The following RYK variants were observed in gnomAD, a reference collection of about 807,000 sequenced individuals.
The protein encoded by RYK is inactive tyrosine-protein kinase RYK.
RYK carries 21 observed loss-of-function variants against 70.2 expected under a neutral mutation model. The ratio of observed to expected loss-of-function variants is 0.30; its 90% CI spans 0.21 to 0.43. The LOEUF is 0.43. Among genes scored for constraint, RYK ranks in the 20% least tolerant of loss-of-function variants. RYK has a pLI of 1.00. For synonymous variants in RYK, 267 were observed against 278.0 expected, an observed-to-expected ratio of 0.96 and a Z score of 0.39; for missense variants, 604 against 753.3, an observed-to-expected ratio of 0.80 and a Z score of 2.32.
At chr3:134,162,250 T>G (rs62269346) in intron 13 of RYK, among the ~76,000 whole-genome samples, 1 of 146,342 alleles carries the variant, frequency 6.8e-6, no homozygotes, top group African/African-American at 2.5e-5. Flanking sequence ...TTTTTTTTTT[T>G]GGTGGAGACG....
At chr3:134,185,347 C>T (rs1490589159) in intron 9 of RYK, among the ~76,000 whole-genome samples, 3 of 152,190 alleles carry the variant, frequency 2.0e-5, no homozygotes, top group African/African-American at 7.2e-5. Flanking sequence ...GCTGAGAAAT[C>T]TCAAATTTCA....
intron 10 of RYK, chr3:134,181,745 T>G (rs1357284159): frequency 6.6e-6 from 1 of 152,160 alleles, no homozygotes; most frequent in Non-Finnish European, 1.5e-5. Flanking sequence ...TATATAGTGC[T>G]TTAAAAAAAT....
At chr3:134,199,472 C>T (rs1252773370) in intron 6 of RYK, among the ~76,000 whole-genome samples, 1 of 152,204 alleles carries the variant, frequency 6.6e-6, no homozygotes, top group Admixed American at 6.5e-5. Context: ...GCCTGCTCTG[C>T]CCTGCTCCTA....
At position 134,176,012 on chromosome 3, in the gene RYK, T is replaced by G. The variant is rs1289475731; in HGVS notation, c.1333A>C (p.Met445Leu). Residue 445 changes from methionine to leucine, a missense_variant, in exon 12 of 15, where the codon ATG (methionine) becomes CTG (leucine). Around this residue, in one of 2 missense-constraint regions of RYK, gnomAD observed 138 missense variants for 217.4 expected, o/e 0.63. Coordinates refer to ENST00000623711, the MANE Select transcript of RYK (RefSeq NM_002958.4). ...QAISQQDLVH[M>L]AIQIACGMSY... ...ATTCCACAGGCAATCTGAATAGCCA[T>G]GTGTACCAGGTCTTGCTGAGAAATT... is the stretch of plus-strand genomic sequence containing the variant. 13 of 1,604,442 alleles carry G rather than the reference T, an allele frequency of 8.1e-6. No homozygotes were observed. The highest frequency in any genetic ancestry group is 1.1e-5 in the Non-Finnish European group (13 of 1,174,958).
rs2014064629 is a variant in RYK, at chr3:134,202,720, T to C, written c.788+10A>G. 5 of 1,608,040 alleles carry C rather than the reference T, an allele frequency of 3.1e-6. No individual in the cohort carries two copies. Among genetic ancestry groups the C allele is most frequent in the Non-Finnish European group, 4.2e-6 (5 of 1,178,666 alleles). On this transcript the variant is annotated intron_variant, in intron 6 of 14. Transcript: ENST00000623711. Reference sequence around the variant, plus strand: ...TTCATTTTTTTTCTTTCCCAAAATATGTACAATACCTGTCATCCAGTTCAA... The same window carrying C: ...TTCATTTTTTTTCTTTCCCAAAATACGTACAATACCTGTCATCCAGTTCAA...
chr3:134,207,916 C>T (rs2014264135), intron 4 of RYK, among the ~76,000 whole-genome samples: 1 of 152,168 alleles, frequency 6.6e-6, no homozygotes, highest in African/African-American at 2.4e-5. Flanking sequence ...CTAGTAACAC[C>T]TACTAACATT....
chr3:134,222,406 C>CAA lies in RYK; in HGVS notation c.354+11_354+12insTT, dbSNP rs1182678009. The CAA allele has an allele frequency of 3.1e-6, 5 of 1,612,282 alleles. No individual in the cohort carries two copies. The highest frequency in any genetic ancestry group is 1.3e-5 in the African/African-American group (1 of 74,954). The stretch of plus-strand genomic sequence containing the variant: ...ACCCTGTCATGATGTCTGTGGTTAG[C>CAA]CACTCTCTTACCTTGGACTTCGCAT... On this transcript the variant is annotated intron_variant, in intron 2 of 14. Coordinates refer to ENST00000623711, the MANE Select transcript of RYK (RefSeq NM_002958.4).
chr3:134,223,616 A>G (rs2014802670), intron 1 of RYK, among the ~76,000 whole-genome samples: 1 of 152,138 alleles, frequency 6.6e-6, no homozygotes, highest in Non-Finnish European at 1.5e-5. Context: ...TAAAAAAAAA[A>G]AAAAAAATCA....
chr3:134,236,432 CTAAA>C (rs1265774171), intron 1 of RYK, among the ~76,000 whole-genome samples: 1 of 152,114 alleles, frequency 6.6e-6, no homozygotes, highest in Non-Finnish European at 1.5e-5. Context: ...AATTAAAGAC[CTAAA>C]TAAATGGAAA....
At chr3:134,217,662 T>A (rs1312118347) in intron 2 of RYK, among the ~76,000 whole-genome samples, 1 of 152,170 alleles carries the variant, frequency 6.6e-6, no homozygotes, top group Non-Finnish European at 1.5e-5. Context: ...TATATACATA[T>A]ATGCATGGAA....
intron 1 of RYK, among the ~76,000 whole-genome samples, chr3:134,246,625 T>C (rs1179857696): frequency 1.3e-5 from 2 of 152,182 alleles, no homozygotes; most frequent in Non-Finnish European, 2.9e-5. Context: ...GAATATGCCA[T>C]CAAAATTATG....
At chr3:134,245,687 C>T (rs899457980) in intron 1 of RYK, among the ~76,000 whole-genome samples, 1 of 152,148 alleles carries the variant, frequency 6.6e-6, no homozygotes. Flanking sequence ...AGCCAGAAGT[C>T]GAAGGCTACA....
intron 2 of RYK, among the ~76,000 whole-genome samples, chr3:134,216,792 CAAAAAAA>C (rs61441674): frequency 0.21 from 7,525 of 36,158 alleles, 97 homozygotes; most frequent in Middle Eastern, 0.31. Flanking sequence ...GACTCTGTCT[CAAAAAAA>C]AAAAAAAAAA....
At chr3:134,185,522 C>T (rs927106412) in intron 9 of RYK, among the ~76,000 whole-genome samples, 1 of 152,136 alleles carries the variant, frequency 6.6e-6, no homozygotes, top group Non-Finnish European at 1.5e-5. Context: ...CTGAAACATT[C>T]GGTACTTCTT....
At chr3:134,167,863 G>A (rs938093855) in intron 13 of RYK, among the ~76,000 whole-genome samples, 24 of 152,146 alleles carry the variant, frequency 1.6e-4, no homozygotes, top group Admixed American at 4.6e-4. Context: ...GAAAATTTTT[G>A]TAATCTACTC....
chr3:134,216,786 C>CT (rs1275314611), intron 2 of RYK, among the ~76,000 whole-genome samples: 1 of 44,844 alleles, frequency 2.2e-5, no homozygotes, highest in Non-Finnish European at 4.4e-5. Flanking sequence ...GAGTGAGACT[C>CT]TGTCTCAAAA....
intron 5 of RYK, among the ~76,000 whole-genome samples, chr3:134,205,442 T>C (rs953637298): frequency 1.3e-5 from 2 of 152,230 alleles, no homozygotes; most frequent in Non-Finnish European, 2.9e-5. Context: ...AAGGCATGAC[T>C]TTCATCAAGA....
chr3:134,229,163 G>A (rs1311831690), intron 1 of RYK, among the ~76,000 whole-genome samples: 2 of 152,090 alleles, frequency 1.3e-5, no homozygotes, highest in African/African-American at 2.4e-5. Context: ...AAAAGAAAAC[G>A]TAGGATAGAA....
chr3:134,202,944 A>G, intron 5 of RYK, 70 bp from the exon 6 acceptor site: 1 of 1,278,054 alleles, frequency 7.8e-7, no homozygotes, highest in South Asian at 1.3e-5. Flanking sequence ...CAATATACAT[A>G]AATAAGTATT....
Sources: allele counts gnomAD v4.1 joint callset (sites outside exome capture counted in the v4.1 genomes callset), GRCh38; gene constraint gnomAD v4.1.1; regional missense constraint gnomAD v4.1.1; transcripts MANE v1.5; gene names NCBI Gene and HGNC (gene_info 2026-07-23, HGNC 2026-07-21).